The following TBC1D2B variants were observed in gnomAD, a reference collection of about 807,000 sequenced individuals.
TBC1D2B encodes TBC1 domain family member 2B.
Under a neutral mutation model 100.8 loss-of-function variants are expected in TBC1D2B, and 64 were observed. The ratio of observed to expected loss-of-function variants is 0.64; its 90% CI spans 0.52 to 0.78. TBC1D2B has a LOEUF of 0.78. Ranked by LOEUF, TBC1D2B falls within the 30% of genes least tolerant of loss-of-function variation. The pLI is 0.00. For synonymous variants in TBC1D2B, 480 were observed against 479.7 expected, an observed-to-expected ratio of 1.00 and a Z score of -0.01; for missense variants, 1,052 against 1,218.4, an observed-to-expected ratio of 0.86 and a Z score of 2.03.
chr15:78,027,406 T>C (rs2072698825), intron 4 of TBC1D2B, among the ~76,000 whole-genome samples: 1 of 152,202 alleles, frequency 6.6e-6, no homozygotes, highest in Non-Finnish European at 1.5e-5. Flanking sequence ...AATAAAAAGT[T>C]TACTTAAAGA....
Position 78,024,211 on chromosome 15 carries a change from C to A in TBC1D2B, c.1415G>T (p.Ser472Ile). 6.2e-7 allele frequency: 1 copy of A among 1,613,870 alleles called. No homozygotes were observed. Among genetic ancestry groups the A allele is most frequent in the Non-Finnish European group, 8.5e-7 (1 of 1,179,896 alleles). Residue 472 changes from serine to isoleucine, a missense_variant, in exon 6 of 13, where the codon AGC becomes ATC. Ser to Ile is a moderately radical substitution (Grantham distance 142). This residue lies in a region of TBC1D2B where 627 missense variants were observed against 646.1 expected (regional missense o/e 0.97). Coordinates refer to ENST00000300584, the MANE Select transcript of TBC1D2B (RefSeq NM_144572.2). ...GNGPPPTVAP[S>I]SPSVVPVARD... ...GGCAACAGGCACAACCGAAGGGGAG[C>A]TGGGCGCCACGGTGGGAGGAGGCCC...
rs773080972 is a variant in TBC1D2B, at chr15:78,012,950, G to T, written c.2143C>A (p.Leu715Met). ...TGTTTGTTGTTGGGCAGAGTTCGCA[G>T]CAAGTCCAGCTCAATCTGCTTGGAG... Reference protein sequence around the residue: ...PASKQIELDLLRTLPNNKHYS... With the variant: ...PASKQIELDLMRTLPNNKHYS... Residue 715 changes from leucine (L) to methionine (M), a missense_variant, in exon 9 of 13, where the codon CTG becomes ATG. By Grantham distance (15) the Leu-to-Met change is conservative (BLOSUM62 2). Coordinates refer to ENST00000300584, the MANE Select transcript of TBC1D2B (RefSeq NM_144572.2). The T allele has an allele frequency of 2.6e-6, 4 of 1,568,474 alleles. No individual in the cohort carries two copies. Among genetic ancestry groups the T allele is most frequent in the Non-Finnish European group, 3.5e-6 (4 of 1,154,390 alleles).
intron 11 of TBC1D2B, 22 bp from the exon 12 acceptor site, chr15:78,001,762 C>G (rs760576128): frequency 6.9e-6 from 11 of 1,592,012 alleles, no homozygotes; most frequent in South Asian, 5.7e-5. Context: ...ACAGGGAAAT[C>G]TGTTAGTGGA....
chr15:78,009,642 C>T (rs968458346), intron 9 of TBC1D2B, among the ~76,000 whole-genome samples: 1 of 152,040 alleles, frequency 6.6e-6, no homozygotes, highest in Non-Finnish European at 1.5e-5. Context: ...AATTGTTTCC[C>T]AATGATCAGC....
intron 2 of TBC1D2B, 67 bp downstream of exon 2, chr15:78,053,967 A>G (rs2073367249): frequency 3.4e-6 from 5 of 1,467,484 alleles, no homozygotes; most frequent in Middle Eastern, 2.1e-4. Flanking sequence ...TTCACTGCTA[A>G]GTTCATATGT....
At chr15:77,999,635 A>G (rs1373396712) in intron 12 of TBC1D2B, among the ~76,000 whole-genome samples, 1 of 152,202 alleles carries the variant, frequency 6.6e-6, no homozygotes, top group Non-Finnish European at 1.5e-5. Flanking sequence ...CCCCACCACC[A>G]GTCCTTTCTC....
intron 3 of TBC1D2B, chr15:78,034,381 TG>T: frequency 1.8e-6 from 1 of 556,070 alleles, no homozygotes; most frequent in Non-Finnish European, 2.3e-6. Context: ...GACTTTTCAG[TG>T]GCCCTGCCTA....
intron 6 of TBC1D2B, among the ~76,000 whole-genome samples, chr15:78,019,901 A>AG (rs1225372578): frequency 2.9e-4 from 40 of 137,146 alleles, no homozygotes; most frequent in East Asian, 2.0e-3. Flanking sequence ...AAAAAAAAAA[A>AG]GGGGGGGGGA....
chr15:78,069,700 T>C (rs1234044541), intron 1 of TBC1D2B, among the ~76,000 whole-genome samples: 1 of 152,220 alleles, frequency 6.6e-6, no homozygotes, highest in Non-Finnish European at 1.5e-5. Context: ...GCCAGAGTGG[T>C]AAAAGGAATT....
At chr15:78,007,462 G>A (rs902718536) in intron 10 of TBC1D2B, among the ~76,000 whole-genome samples, 1 of 152,236 alleles carries the variant, frequency 6.6e-6, no homozygotes, top group Non-Finnish European at 1.5e-5. Flanking sequence ...CAGGGATACA[G>A]GGGAAGGAGG....
At chr15:78,075,142 G>A (rs1209536438) in intron 1 of TBC1D2B, among the ~76,000 whole-genome samples, 1 of 152,112 alleles carries the variant, frequency 6.6e-6, no homozygotes, top group Non-Finnish European at 1.5e-5. Flanking sequence ...GAAGTTTAAA[G>A]CCACACTTCT....
intron 6 of TBC1D2B, among the ~76,000 whole-genome samples, chr15:78,022,038 A>G (rs2072529979): frequency 6.6e-6 from 1 of 152,216 alleles, no homozygotes; most frequent in African/African-American, 2.4e-5. Flanking sequence ...TCTACGCACT[A>G]CAGAAATAGA....
chr15:78,003,269 T>C, intron 11 of TBC1D2B, 36 bp downstream of exon 11: 1 of 1,593,156 alleles, frequency 6.3e-7, no homozygotes, highest in African/African-American at 1.3e-5. Flanking sequence ...TTGTCAAGTG[T>C]GTATATCTGA....
chr15:78,014,212 G>C (rs746721710), intron 8 of TBC1D2B, among the ~76,000 whole-genome samples: 2 of 152,206 alleles, frequency 1.3e-5, no homozygotes, highest in Non-Finnish European at 2.9e-5. Context: ...AATCCAATGA[G>C]ACCCATGTTG....
rs748618693 is a variant in TBC1D2B at position 78,044,938 on chromosome 15, A to C, written c.645T>G (p.Ile215Met). 1 of 1,613,320 alleles carries C rather than the reference A, an allele frequency of 6.2e-7. No individual in the cohort carries two copies. The highest frequency in any genetic ancestry group is 1.3e-5 in the African/African-American group (1 of 74,916). ...CCCACTGTTTCAAAGAGTAAAAATTAATGGAATTTGGATGCCCTGGGGCGG... is the reference window on the plus strand; with the variant it reads ...CCCACTGTTTCAAAGAGTAAAAATTCATGGAATTTGGATGCCCTGGGGCGG... ...NQPAPGHPNSINFYSLKQWGN... is the reference protein window; with the variant it reads ...NQPAPGHPNSMNFYSLKQWGN... Residue 215 changes from isoleucine to methionine, a missense_variant, in exon 3 of 13, where the codon ATT becomes ATG. Around this residue, in one of 4 missense-constraint regions of TBC1D2B, gnomAD observed 627 missense variants for 646.1 expected, o/e 0.97. Transcript: ENST00000300584.
chr15:78,045,306 T>G (rs2073173105), intron 2 of TBC1D2B, among the ~76,000 whole-genome samples: 1 of 152,176 alleles, frequency 6.6e-6, no homozygotes, highest in African/African-American at 2.4e-5. Context: ...AACCACCAAG[T>G]ATTAACAGTG....
chr15:78,059,277 C>T (rs922493374), intron 1 of TBC1D2B, among the ~76,000 whole-genome samples: 6 of 152,208 alleles, frequency 3.9e-5, no homozygotes, highest in Admixed American at 3.3e-4. Context: ...TCAATACGAT[C>T]CAAGATGTCT....
chr15:78,008,412 G>A (rs1021418655), intron 10 of TBC1D2B, among the ~76,000 whole-genome samples: 1 of 152,228 alleles, frequency 6.6e-6, no homozygotes. Context: ...CAGGAATGCA[G>A]CCCATCTGTG....
chr15:78,020,508 C>T (rs1432401425), intron 6 of TBC1D2B, among the ~76,000 whole-genome samples: 1 of 152,178 alleles, frequency 6.6e-6, no homozygotes, highest in Non-Finnish European at 1.5e-5. Flanking sequence ...ACATGGATTA[C>T]CGCCTGTAAC....
Sources: gnomAD v4.1 joint callset for allele counts (sites outside exome capture counted in the v4.1 genomes callset) on GRCh38, gnomAD v4.1.1 for gene constraint, gnomAD v4.1.1 regional missense constraint, MANE v1.5 for transcripts, NCBI Gene and HGNC (gene_info 2026-07-23, HGNC 2026-07-21) for gene names.